TPRG1: variants seen among roughly 807,000 people sequenced by gnomAD.
TPRG1 encodes the protein tumor protein p63-regulated gene 1 protein.
In TPRG1, 29 loss-of-function variants were observed where a neutral mutation model predicts 29.3. The observed-to-expected ratio is 0.99, with a 90% CI of 0.74 to 1.35. The LOEUF is 1.35. Ranked by LOEUF, TPRG1 falls within the 40% of genes most tolerant of loss-of-function variation. The pLI is 0.00. For synonymous variants in TPRG1, 130 were observed against 116.8 expected (o/e 1.11, Z -0.73); for missense variants, 327 against 335.0 (o/e 0.98, Z 0.19).
rs148991989 is a variant in TPRG1, at chr3:189,207,527, C to T, written c.143C>T (p.Thr48Ile). Residue 48 changes from threonine (T) to isoleucine (I), a missense_variant, in exon 2 of 6, where the codon ACC becomes ATC. By Grantham distance (89) the Thr-to-Ile change is moderately conservative. Transcript: ENST00000345063. ...PRQISRQSSV[T>I]ESTLYPNPYH... ...CAGATTTCAAGGCAGTCAAGTGTGA[C>T]CGAATCAACTCTTTACCCCAATCCT... The T allele has an allele frequency of 1.2e-5, 20 of 1,613,900 alleles. No homozygotes were observed. The Admixed American group carries it at 2.8e-4, about 23-fold the overall frequency.
At chr3:189,270,488 C>T (rs962708619) in intron 4 of TPRG1, among the ~76,000 whole-genome samples, 2 of 152,202 alleles carry the variant, frequency 1.3e-5, no homozygotes, top group Admixed American at 1.3e-4. Flanking sequence ...CTGCAGTGTT[C>T]CCAGGCTCAG....
Position 189,088,409 on chromosome 3 carries a change from G to A in TPRG1, c.-462-38648G>A, listed in dbSNP as rs558597017. ...GCTTAAGGAGATTTGGGGCTGAGACGATGGGGTTTTCTAAATACACAATCA... is the reference window on the plus strand; with the variant it reads ...GCTTAAGGAGATTTGGGGCTGAGACAATGGGGTTTTCTAAATACACAATCA... On this transcript the variant is annotated intron_variant, in intron 4 of 10. Coordinates refer to the TPRG1 transcript ENST00000433971. Among the ~76,000 whole-genome samples, 4 of 152,282 alleles carry A rather than the reference G, an allele frequency of 2.6e-5. No individual in the cohort carries two copies. The South Asian group carries it at 8.3e-4, about 32-fold the overall frequency.
chr3:189,307,843 A>C (rs1302237929), intron 4 of TPRG1, among the ~76,000 whole-genome samples: 1 of 152,202 alleles, frequency 6.6e-6, no homozygotes, highest in Non-Finnish European at 1.5e-5. Context: ...TCCACTGAGA[A>C]ATAGCTGATT....
intron 4 of TPRG1, among the ~76,000 whole-genome samples, chr3:189,293,798 T>A (rs1340038710): frequency 6.6e-6 from 1 of 152,224 alleles, no homozygotes; most frequent in Non-Finnish European, 1.5e-5. Flanking sequence ...GGCTCCTAAC[T>A]GTTCTCCCTT....
At chr3:189,182,283 G>C (rs1730328654) in intron 1 of TPRG1, among the ~76,000 whole-genome samples, 1 of 152,100 alleles carries the variant, frequency 6.6e-6, no homozygotes, top group Admixed American at 6.5e-5. Flanking sequence ...ATCCTCAATA[G>C]TATCTGCAAT....
chr3:189,042,135 GA>G (rs1252626561), intron 4 of TPRG1, among the ~76,000 whole-genome samples: 1 of 151,744 alleles, frequency 6.6e-6, no homozygotes, highest in Non-Finnish European at 1.5e-5. Flanking sequence ...ATTGAACAAT[GA>G]AAATATCCTC....
intron 1 of TPRG1, among the ~76,000 whole-genome samples, chr3:189,195,404 C>T (rs1057366025): frequency 8.5e-5 from 13 of 152,098 alleles, no homozygotes; most frequent in African/African-American, 2.9e-4. Context: ...CTCGACTCAA[C>T]AGAGAAAGCT....
intron 4 of TPRG1, among the ~76,000 whole-genome samples, chr3:189,243,783 T>G (rs1333247676): frequency 6.6e-6 from 1 of 152,236 alleles, no homozygotes; most frequent in African/African-American, 2.4e-5. Flanking sequence ...AGAGGCACAG[T>G]GCAGCCAAGT....
At chr3:189,007,469 G>A (rs1423030264) in intron 3 of TPRG1, among the ~76,000 whole-genome samples, 41 of 151,704 alleles carry the variant, frequency 2.7e-4, no homozygotes, top group Admixed American at 2.3e-3. Context: ...CTAGTTCAAC[G>A]ATTGTGGAAG....
chr3:189,153,896 C>A (rs569523229), intron 5 of TPRG1, among the ~76,000 whole-genome samples: 50 of 152,260 alleles, frequency 3.3e-4, no homozygotes, highest in African/African-American at 1.2e-3. Flanking sequence ...GTCTCAGAAG[C>A]CTGTCAGTAC....
intron 3 of TPRG1, among the ~76,000 whole-genome samples, chr3:189,022,667 G>C (rs1310264637): frequency 6.6e-6 from 1 of 152,208 alleles, no homozygotes; most frequent in Non-Finnish European, 1.5e-5. Context: ...AGTCTGCAGA[G>C]GTTACTGCTG....
chr3:189,161,883 A>G (rs1727538067), intron 5 of TPRG1, among the ~76,000 whole-genome samples: 1 of 152,224 alleles, frequency 6.6e-6, no homozygotes, highest in African/African-American at 2.4e-5. Context: ...AGGTGTGAAG[A>G]GAAATGGAGA....
intron 4 of TPRG1, among the ~76,000 whole-genome samples, chr3:189,241,348 GAT>G (rs781053806): frequency 6.6e-6 from 1 of 152,046 alleles, no homozygotes; most frequent in Non-Finnish European, 1.5e-5. Flanking sequence ...TTTGAAGAAC[GAT>G]ATGTGTTTTT....
intron 3 of TPRG1, among the ~76,000 whole-genome samples, chr3:189,007,378 A>T (rs1315355595): frequency 6.6e-6 from 1 of 152,120 alleles, no homozygotes; most frequent in African/African-American, 2.4e-5. Flanking sequence ...AGTGGCAATC[A>T]TTAAAAAGTC....
At chr3:189,075,512 A>C (rs1450243709) in intron 4 of TPRG1, among the ~76,000 whole-genome samples, 4 of 152,084 alleles carry the variant, frequency 2.6e-5, no homozygotes, top group African/African-American at 7.2e-5. Context: ...ATTTGAGTAG[A>C]TGGGCCCATT....
Position 189,320,906 on chromosome 3 carries a change from A to G in TPRG1, c.*86A>G. On this transcript the variant is annotated 3_prime_UTR_variant, in exon 6 of 6. Coordinates refer to ENST00000345063, the MANE Select transcript of TPRG1 (RefSeq NM_198485.4). ...TGACCCACGCTATTTTTGGACTGAA[A>G]CAATTAATTATTTTTAAATGACGCT... is the stretch of plus-strand genomic sequence containing the variant. 8.7e-6 allele frequency: 10 copies of G among 1,150,130 alleles called. No homozygotes were observed. The highest frequency in any genetic ancestry group is 1.2e-5 in the Non-Finnish European group (10 of 851,124). 71.2% of individuals were successfully genotyped at this position (1,150,130 alleles called of 1,614,324 possible).
upstream of TPRG1, among the ~76,000 whole-genome samples, chr3:189,169,309 G>A (rs906948067): frequency 3.3e-5 from 5 of 151,992 alleles, no homozygotes; most frequent in Non-Finnish European, 5.9e-5. Context: ...GGATTACAGG[G>A]GCCCGCCACT....
At chr3:189,309,878 T>A (rs931482009) in intron 4 of TPRG1, 1 of 152,404 alleles carries the variant, frequency 6.6e-6, no homozygotes. Flanking sequence ...AGATTCAGAA[T>A]CTGAAGTCGC....
At chr3:189,206,565 A>T (rs548670519) in intron 1 of TPRG1, among the ~76,000 whole-genome samples, 4 of 145,996 alleles carry the variant, frequency 2.7e-5, no homozygotes, top group African/African-American at 1.0e-4. Context: ...CAGTGGCATG[A>T]TCTTGACTCA....
Sources: gnomAD v4.1 joint callset for allele counts (sites outside exome capture counted in the v4.1 genomes callset) on GRCh38, gnomAD v4.1.1 for gene constraint, MANE v1.5 for transcripts, NCBI Gene and HGNC (gene_info 2026-07-23, HGNC 2026-07-21) for gene names.